COPG2: variants seen among roughly 807,000 people sequenced by gnomAD.
The protein encoded by COPG2 is coat protein complex I subunit gamma 2.
Under a neutral mutation model 46.3 loss-of-function variants are expected in COPG2, and 37 were observed. That is an observed-to-expected ratio of 0.80 (90% CI 0.61 to 1.05). The LOEUF (loss-of-function observed/expected upper bound fraction) is 1.05. Ranked by LOEUF, COPG2 falls within the 50% of genes least tolerant of loss-of-function variation. The probability of loss-of-function intolerance (pLI) is 0.00; values close to 1 mark genes in which losing one functional copy is unlikely to be tolerated. For missense variants in COPG2, 427 were observed against 387.8 expected (o/e 1.10, Z -0.85); for synonymous variants, 159 against 129.7 (o/e 1.23, Z -1.53).
At chr7:130,607,694 T>C in intron 9 of COPG2, 1 of 519,872 alleles carries the variant, frequency 1.9e-6, no homozygotes, top group Non-Finnish European at 3.8e-6. Flanking sequence ...CTCATTCCTT[T>C]TATGGCTCCC....
chr7:130,529,455 T>C (rs1032440306), intron 20 of COPG2, among the ~76,000 whole-genome samples: 1 of 152,176 alleles, frequency 6.6e-6, no homozygotes, highest in African/African-American at 2.4e-5. Flanking sequence ...AGGTGCATGA[T>C]AGGGGGAGAA....
At chr7:130,651,060 G>A (rs1554458986) in intron 5 of COPG2, among the ~76,000 whole-genome samples, 1 of 152,012 alleles carries the variant, frequency 6.6e-6, no homozygotes, top group Non-Finnish European at 1.5e-5. Context: ...ACTACTACTG[G>A]TTAAACACAA....
rs1554440305 is a variant in COPG2, at chr7:130,507,309, G to C, written c.2450C>G (p.Pro817Arg). The C allele has an allele frequency of 2.6e-6, 2 of 780,744 alleles. No homozygotes were observed. Among genetic ancestry groups the C allele is most frequent in the African/African-American group, 1.7e-5 (1 of 59,246 alleles). 48.4% of individuals were successfully genotyped at this position (780,744 alleles called of 1,614,324 possible). ...GAGCGAATGGGAATTCTTGTTCTCA[G>C]GTACTTTATCGGACCTCTCACATGG... ...MQPCERSDKV[P>R]ENKNSHSLYL... The change falls in exon 23 of 24, where the codon CCT (proline) becomes CGT (arginine). Residue 817 changes from proline to arginine, a missense_variant. By Grantham distance (103) the Pro-to-Arg change is moderately radical (BLOSUM62 -2). Transcript: ENST00000425248.
At chr7:130,593,777 A>C (rs1554449349) in intron 9 of COPG2, among the ~76,000 whole-genome samples, 1 of 152,156 alleles carries the variant, frequency 6.6e-6, no homozygotes, top group Non-Finnish European at 1.5e-5. Context: ...AAAAAAAATG[A>C]AACAATTCCA....
intron 8 of COPG2, among the ~76,000 whole-genome samples, chr7:130,611,452 T>C (rs1794848244): frequency 6.6e-6 from 1 of 152,150 alleles, no homozygotes; most frequent in Non-Finnish European, 1.5e-5. Flanking sequence ...ACGAGTGGCT[T>C]TACATCATCT....
intron 16 of COPG2, among the ~76,000 whole-genome samples, chr7:130,550,913 C>T (rs987655295): frequency 2.6e-5 from 4 of 152,092 alleles, no homozygotes; most frequent in Admixed American, 2.0e-4. Context: ...AAGAAAGCAA[C>T]TTAGCTATAT....
At chr7:130,523,882 C>G (rs36155486) in intron 20 of COPG2, among the ~76,000 whole-genome samples, 29 of 151,862 alleles carry the variant, frequency 1.9e-4, no homozygotes, top group African/African-American at 3.6e-4. Context: ...CTGACAGGAG[C>G]ACCCAGGAGG....
chr7:130,513,554 T>A (rs952834453), intron 20 of COPG2, among the ~76,000 whole-genome samples: 4 of 151,262 alleles, frequency 2.6e-5, no homozygotes, highest in Non-Finnish European at 4.4e-5. Flanking sequence ...AAAGAGTAAG[T>A]AGATAAATAA....
chr7:130,666,642 G>C (rs1424414), intron 3 of COPG2, among the ~76,000 whole-genome samples: 1 of 152,090 alleles, frequency 6.6e-6, no homozygotes, highest in African/African-American at 2.4e-5. Flanking sequence ...TTCTGGTTCC[G>C]AGCATTGCAA....
chr7:130,626,884 A>G (rs1228652494), intron 5 of COPG2, among the ~76,000 whole-genome samples: 2 of 151,888 alleles, frequency 1.3e-5, no homozygotes, highest in East Asian at 3.9e-4. Flanking sequence ...ATTTCTCTTT[A>G]AATTGTATGT....
intron 9 of COPG2, among the ~76,000 whole-genome samples, chr7:130,608,666 C>T (rs774545271): frequency 1.3e-5 from 2 of 152,056 alleles, no homozygotes; most frequent in African/African-American, 2.4e-5. Context: ...GAGAAGTCAA[C>T]GATTCTTATT....
chr7:130,580,258 C>T (rs1342161285), intron 9 of COPG2, among the ~76,000 whole-genome samples: 2 of 151,360 alleles, frequency 1.3e-5, no homozygotes, highest in Admixed American at 6.6e-5. Context: ...GGATACATAA[C>T]GAAATGAAGG....
intron 5 of COPG2, among the ~76,000 whole-genome samples, chr7:130,648,657 G>C (rs545464020): frequency 6.6e-6 from 1 of 152,326 alleles, no homozygotes; most frequent in African/African-American, 2.4e-5. Context: ...GAAAGTGAAA[G>C]GGAAGACATC....
intron 13 of COPG2, 90 bp from the exon 14 acceptor site, chr7:130,554,814 A>G (rs1427963780): frequency 2.5e-6 from 1 of 398,032 alleles, no homozygotes; most frequent in Admixed American, 4.4e-5. Context: ...TATAATATTC[A>G]AATTTCATTT....
At chr7:130,663,127 C>T (rs1215205312) in intron 3 of COPG2, 89 bp from the exon 4 acceptor site, 1 of 684,612 alleles carries the variant, frequency 1.5e-6, no homozygotes, top group Non-Finnish European at 2.3e-6. Context: ...TCTATTTCTG[C>T]AAAAATCCTT....
chr7:130,511,672 T>C, intron 20 of COPG2: 1 of 514,072 alleles, frequency 1.9e-6, no homozygotes, highest in Middle Eastern at 3.2e-4. Context: ...AATAAGAGAC[T>C]GGAAGCAAAG....
At chr7:130,658,627 A>G (rs1584616469) in intron 4 of COPG2, among the ~76,000 whole-genome samples, 1 of 152,238 alleles carries the variant, frequency 6.6e-6, no homozygotes, top group South Asian at 2.1e-4. Flanking sequence ...TCTGTCTGAT[A>G]AAGGACTTCT....
intron 3 of COPG2, among the ~76,000 whole-genome samples, chr7:130,665,907 C>T (rs782411150): frequency 2.0e-5 from 3 of 151,548 alleles, no homozygotes; most frequent in Non-Finnish European, 2.9e-5. Context: ...ATTTCATGAG[C>T]GCAAATATTT....
At chr7:130,517,687 G>A (rs1799690731) in intron 20 of COPG2, among the ~76,000 whole-genome samples, 1 of 152,190 alleles carries the variant, frequency 6.6e-6, no homozygotes, top group Non-Finnish European at 1.5e-5. Context: ...AGAGTATAAT[G>A]CTATATCCAC....
Sources: gnomAD v4.1 joint callset for allele counts (sites outside exome capture counted in the v4.1 genomes callset) on GRCh38, gnomAD v4.1.1 for gene constraint, MANE v1.5 for transcripts, NCBI Gene and HGNC (gene_info 2026-07-23, HGNC 2026-07-21) for gene names.